Variants in DACH2 observed in about 807,000 individuals in gnomAD.
DACH2 encodes the protein dachshund family transcription factor 2, also known as dachshund homolog 2.
In DACH2, 17 loss-of-function variants were observed where a neutral mutation model predicts 35.8. That is an observed-to-expected ratio of 0.48 (90% CI 0.33 to 0.71). The LOEUF (loss-of-function observed/expected upper bound fraction) is 0.71, where lower values mean the gene tolerates loss of function less well. Ranked by LOEUF, DACH2 falls within the 30% of genes least tolerant of loss-of-function variation. DACH2 has a pLI of 0.02. For missense variants in DACH2, 469 were observed against 472.7 expected (o/e 0.99, Z 0.07); for synonymous variants, 195 against 177.3 (o/e 1.10, Z -0.79).
At chrX:86,577,108 T>C (rs1233078196) in intron 3 of DACH2, among the ~76,000 whole-genome samples, 2 of 112,181 alleles carry the variant, frequency 1.8e-5, no homozygotes, top group East Asian at 5.6e-4. Context: ...CTTTATACTA[T>C]ATGTCAGGTA....
At chrX:86,216,565 C>G in intron 1 of DACH2, among the ~76,000 whole-genome samples, 1 of 110,836 alleles carries the variant, frequency 9.0e-6, no homozygotes, top group East Asian at 2.8e-4. Context: ...CTGCATAGTA[C>G]AGCATGGAGA....
At chrX:86,797,145 C>T (rs2147330976) in intron 7 of DACH2, among the ~76,000 whole-genome samples, 1 of 110,630 alleles carries the variant, frequency 9.0e-6, no homozygotes, top group East Asian at 2.8e-4. Context: ...TAAGGGGCAA[C>T]TACTGTGTGT....
intron 1 of DACH2, among the ~76,000 whole-genome samples, chrX:86,253,782 T>A (rs904575627): frequency 8.9e-6 from 1 of 111,903 alleles, no homozygotes; most frequent in Non-Finnish European, 1.9e-5. Flanking sequence ...AAGAGAAGAA[T>A]AAGGAAAGGC....
intron 7 of DACH2, among the ~76,000 whole-genome samples, chrX:86,772,429 A>G (rs5968990): frequency 0.031 from 3,435 of 111,190 alleles, 145 homozygotes; most frequent in African/African-American, 0.11. Context: ...AGAAGTATTT[A>G]TACTGTACCA....
chrX:86,697,925 A>G (rs933255041), intron 5 of DACH2, among the ~76,000 whole-genome samples: 2 of 111,682 alleles, frequency 1.8e-5, no homozygotes, highest in African/African-American at 6.5e-5. Context: ...TGAAATAACA[A>G]TGACTGAGAG....
chrX:86,730,084 CTCT>C (rs1177761227), intron 6 of DACH2, among the ~76,000 whole-genome samples: 1 of 110,817 alleles, frequency 9.0e-6, no homozygotes, highest in African/African-American at 3.3e-5. Context: ...ACACATGCCA[CTCT>C]TCTTTAGCTT....
At chrX:86,170,651 C>T (rs1004568907) in intron 1 of DACH2, among the ~76,000 whole-genome samples, 6 of 112,488 alleles carry the variant, frequency 5.3e-5, no homozygotes, top group African/African-American at 1.6e-4. Flanking sequence ...GGAGGACTGC[C>T]AGACTACTGT....
chrX:86,598,349 G>A (rs192153377), intron 3 of DACH2, among the ~76,000 whole-genome samples: 41 of 111,880 alleles, frequency 3.7e-4, no homozygotes, highest in Admixed American at 2.5e-3. Flanking sequence ...GAAATTACAA[G>A]GTTTTAGCAT....
intron 2 of DACH2, among the ~76,000 whole-genome samples, chrX:86,502,055 T>C (rs7887428): frequency 1.5e-3 from 114 of 77,389 alleles, no homozygotes; most frequent in African/African-American, 5.7e-3. Flanking sequence ...TCCTTCCTTC[T>C]TTCTTTCCTT....
At chrX:86,341,767 A>C (rs2035416957) in intron 1 of DACH2, among the ~76,000 whole-genome samples, 1 of 112,251 alleles carries the variant, frequency 8.9e-6, no homozygotes, top group Non-Finnish European at 1.9e-5. Context: ...AGGAGTTTGG[A>C]AAACGTTGAT....
intron 1 of DACH2, among the ~76,000 whole-genome samples, chrX:86,346,739 T>C (rs965701276): frequency 2.7e-5 from 3 of 111,807 alleles, no homozygotes; most frequent in Admixed American, 9.5e-5. Context: ...TCCCCTATAC[T>C]TTTTTGTGGT....
intron 7 of DACH2, among the ~76,000 whole-genome samples, chrX:86,762,751 T>C (rs956382107): frequency 8.9e-6 from 1 of 112,109 alleles, no homozygotes; most frequent in Non-Finnish European, 1.9e-5. Context: ...ACATGCAATG[T>C]GAAATAAGCA....
At chrX:86,631,517 A>G (rs1190785115) in intron 3 of DACH2, among the ~76,000 whole-genome samples, 1 of 112,376 alleles carries the variant, frequency 8.9e-6, no homozygotes, top group East Asian at 2.8e-4. Flanking sequence ...CTGAAATAAT[A>G]TGGCAGATCT....
At chrX:86,756,351 C>A (rs1056457259) in intron 7 of DACH2, among the ~76,000 whole-genome samples, 31 of 111,033 alleles carry the variant, frequency 2.8e-4, no homozygotes, top group African/African-American at 1.0e-3. Flanking sequence ...AATATTAATT[C>A]TTCTGATCCA....
chrX:86,457,731 C>T, intron 2 of DACH2, among the ~76,000 whole-genome samples: 1 of 111,974 alleles, frequency 8.9e-6, no homozygotes, highest in African/African-American at 3.2e-5. Flanking sequence ...TTGTGATGTT[C>T]TTTCAATTTT....
At chrX:86,299,976 T>C (rs1446095188) in intron 1 of DACH2, among the ~76,000 whole-genome samples, 7 of 111,908 alleles carry the variant, frequency 6.3e-5, no homozygotes, top group Non-Finnish European at 9.4e-5. Context: ...ATGCATAGAA[T>C]GTGTAATGGT....
chrX:86,627,533 C>A (rs946720320), intron 3 of DACH2, among the ~76,000 whole-genome samples: 52 of 111,344 alleles, frequency 4.7e-4, no homozygotes, highest in African/African-American at 1.6e-3. Context: ...TTATAATAAG[C>A]TTAATTTAGG....
chrX:86,431,339 ATTTT>A (rs2148170981), intron 2 of DACH2, among the ~76,000 whole-genome samples: 1 of 111,944 alleles, frequency 8.9e-6, no homozygotes, highest in African/African-American at 3.2e-5. Flanking sequence ...GCTTGAGATA[ATTTT>A]TTAAAGAGGG....
chrX:86,300,185 A>G (rs1283305985), intron 1 of DACH2, among the ~76,000 whole-genome samples: 2 of 111,388 alleles, frequency 1.8e-5, no homozygotes, highest in Non-Finnish European at 3.8e-5. Context: ...GGCATCTCAA[A>G]TAGAATATTT....
Sources: allele counts gnomAD v4.1 joint callset (sites outside exome capture counted in the v4.1 genomes callset), GRCh38; gene constraint gnomAD v4.1.1; transcripts MANE v1.5; gene names NCBI Gene and HGNC (gene_info 2026-07-23, HGNC 2026-07-21).